Variants in PRKCE observed in about 807,000 individuals in gnomAD.
PRKCE encodes protein kinase C epsilon type.
Under a neutral mutation model 85.4 loss-of-function variants are expected in PRKCE, and 16 were observed. The ratio of observed to expected loss-of-function variants is 0.19; its 90% CI spans 0.13 to 0.28. The LOEUF is 0.28. Among genes scored for constraint, PRKCE ranks in the 10% least tolerant of loss-of-function variants. PRKCE has a pLI of 1.00. For missense variants in PRKCE, 573 were observed against 975.2 expected (o/e 0.59, Z 5.49); for synonymous variants, 388 against 371.5 (o/e 1.04, Z -0.51).
intron 1 of PRKCE, among the ~76,000 whole-genome samples, chr2:45,760,208 A>T (rs962905611): frequency 6.6e-6 from 1 of 152,166 alleles, no homozygotes; most frequent in Non-Finnish European, 1.5e-5. Flanking sequence ...TCTTCTCAGG[A>T]TGGAGGCATC....
intron 1 of PRKCE, among the ~76,000 whole-genome samples, chr2:45,734,650 G>T (rs2104581944): frequency 6.6e-6 from 1 of 152,320 alleles, no homozygotes; most frequent in South Asian, 2.1e-4. Context: ...CTGGGCCTCT[G>T]TTGTGTGTTA....
chr2:46,009,959 C>G (rs1705520068), intron 9 of PRKCE, among the ~76,000 whole-genome samples: 1 of 152,214 alleles, frequency 6.6e-6, no homozygotes, highest in African/African-American at 2.4e-5. Context: ...AATAACCATT[C>G]AACAGATGTG....
rs143342696 is a variant in PRKCE, at chr2:46,063,057, C to T, written c.1438-23151C>T. Among the ~76,000 whole-genome samples the T allele has an allele frequency of 1.4e-3, 215 of 152,318 alleles. 1 individual carries two copies. Among genetic ancestry groups the T allele is most frequent in the Admixed American group, 3.6e-3 (55 of 15,298 alleles). The stretch of plus-strand genomic sequence containing the variant: ...GTGGGCAAGCTGATCATTTTATTCT[C>T]CATCTGCAGTCAACTTGCTAAGTAG... On this transcript the variant is annotated intron_variant, in intron 10 of 14. Coordinates refer to ENST00000306156, the MANE Select transcript of PRKCE (RefSeq NM_005400.3).
chr2:45,770,032 C>A (rs1685191097), intron 1 of PRKCE, among the ~76,000 whole-genome samples: 1 of 152,244 alleles, frequency 6.6e-6, no homozygotes, highest in Admixed American at 6.5e-5. Context: ...AGCCATCACA[C>A]AGGATTTGCA....
intron 2 of PRKCE, among the ~76,000 whole-genome samples, chr2:45,922,108 G>T (rs946377592): frequency 6.6e-6 from 1 of 152,102 alleles, no homozygotes; most frequent in Admixed American, 6.5e-5. Context: ...TGTGAATGTG[G>T]TTCCTAATGA....
At chr2:45,915,428 T>C (rs1250683805) in intron 2 of PRKCE, among the ~76,000 whole-genome samples, 3 of 152,150 alleles carry the variant, frequency 2.0e-5, no homozygotes, top group Non-Finnish European at 2.9e-5. Context: ...ATTAATAGGA[T>C]TGGGAATCAG....
At chr2:45,811,535 G>T (rs910532345) in intron 1 of PRKCE, among the ~76,000 whole-genome samples, 1 of 152,176 alleles carries the variant, frequency 6.6e-6, no homozygotes, top group African/African-American at 2.4e-5. Context: ...CTCACCCTGC[G>T]TTGTAATTTT....
At chr2:45,717,096 C>G (rs1680193178) in intron 1 of PRKCE, among the ~76,000 whole-genome samples, 2 of 152,270 alleles carry the variant, frequency 1.3e-5, no homozygotes, top group Admixed American at 1.3e-4. Flanking sequence ...CATGGTGATG[C>G]CTCTGCTATC....
chr2:46,139,860 G>C lies in PRKCE; in HGVS notation c.1593-5233G>C, dbSNP rs941432955. On this transcript the variant is annotated intron_variant, in intron 11 of 14. Coordinates refer to ENST00000306156, the MANE Select transcript of PRKCE (RefSeq NM_005400.3). This position sits in a 1 kb window ranked among gnomAD's most constrained non-coding sequence, Gnocchi z 5.2. ...GTCACATAACTACACCCTGCTCCAAGGGCAGCTTTTAATTCTAGTTCATGG... is the reference window on the plus strand; with the variant it reads ...GTCACATAACTACACCCTGCTCCAACGGCAGCTTTTAATTCTAGTTCATGG... Among the ~76,000 whole-genome samples, 1 of 152,042 alleles carries C rather than the reference G, an allele frequency of 6.6e-6. No homozygotes were observed. The highest frequency in any genetic ancestry group is 2.4e-5 in the African/African-American group (1 of 41,390).
At chr2:45,743,707 A>G (rs934710796) in intron 1 of PRKCE, among the ~76,000 whole-genome samples, 4 of 152,200 alleles carry the variant, frequency 2.6e-5, no homozygotes, top group Non-Finnish European at 4.4e-5. Context: ...TGCTTCTTTC[A>G]AAACCTTGCC....
chr2:45,739,182 T>C (rs1006400468), intron 1 of PRKCE, among the ~76,000 whole-genome samples: 6 of 152,202 alleles, frequency 3.9e-5, no homozygotes, highest in African/African-American at 1.4e-4. Flanking sequence ...TACGAGAGGG[T>C]ATCTCTCCTG....
At chr2:45,941,864 G>A (rs910851554) in intron 2 of PRKCE, among the ~76,000 whole-genome samples, 10 of 152,170 alleles carry the variant, frequency 6.6e-5, no homozygotes, top group Admixed American at 3.3e-4. Context: ...AATTATGGGG[G>A]AGGGGGAGGT....
intron 1 of PRKCE, among the ~76,000 whole-genome samples, chr2:45,836,789 C>G (rs1690918033): frequency 6.6e-6 from 1 of 152,218 alleles, no homozygotes. Flanking sequence ...TTATCTAGGA[C>G]CTTACTGGTG....
intron 10 of PRKCE, among the ~76,000 whole-genome samples, chr2:46,015,791 G>GAGCCC (rs1706090186): frequency 6.6e-6 from 1 of 151,280 alleles, no homozygotes; most frequent in African/African-American, 2.4e-5. Context: ...CGAGCTGACA[G>GAGCCC]AGCCGTTGAG....
At chr2:45,987,597 C>A (rs1343378421) in intron 6 of PRKCE, among the ~76,000 whole-genome samples, 1 of 151,622 alleles carries the variant, frequency 6.6e-6, no homozygotes, top group Non-Finnish European at 1.5e-5. Context: ...CACATGGCCT[C>A]CCCCCACCAG....
intron 10 of PRKCE, among the ~76,000 whole-genome samples, chr2:46,047,327 C>A (rs1402422062): frequency 1.3e-5 from 2 of 152,172 alleles, no homozygotes; most frequent in East Asian, 3.8e-4. Flanking sequence ...GGACAAGATC[C>A]CGTTAAGGGC....
At chr2:45,914,152 A>T (rs1000014163) in intron 2 of PRKCE, among the ~76,000 whole-genome samples, 1 of 152,262 alleles carries the variant, frequency 6.6e-6, no homozygotes, top group Non-Finnish European at 1.5e-5. Context: ...GTGGAAGCAT[A>T]CAATATCATG....
chr2:45,969,686 A>T (rs1701980138), intron 2 of PRKCE, among the ~76,000 whole-genome samples: 1 of 152,148 alleles, frequency 6.6e-6, no homozygotes, highest in Non-Finnish European at 1.5e-5. Flanking sequence ...ATTACCTAAT[A>T]CTTTTTAGGC....
Position 45,652,189 on chromosome 2 carries a change from G to T in PRKCE, c.89G>T (p.Gly30Val). Residue 30 changes from glycine (G) to valine (V), a missense_variant, in exon 1 of 15, where the codon GGA becomes GTA. Gly to Val is a moderately radical substitution (Grantham distance 109, BLOSUM62 -3). Around this residue, in one of 11 missense-constraint regions of PRKCE, gnomAD observed 100 missense variants for 177.1 expected, o/e 0.56. Transcript: ENST00000306156. The surrounding 1 kb of genome is among the most constrained non-coding windows in gnomAD (Gnocchi z 7.7). ...GCCTGGTCGCTGCGCCATGCGGTGG[G>T]ACCCCGGCCGCAGACTTTCCTTCTC... The part of the protein sequence containing the change: ...PTAWSLRHAV[G>V]PRPQTFLLDP... 1 of 1,613,536 alleles carries T rather than the reference G, an allele frequency of 6.2e-7. No individual in the cohort carries two copies. Among genetic ancestry groups the T allele is most frequent in the Non-Finnish European group, 8.5e-7 (1 of 1,179,922 alleles).
Sources: allele counts gnomAD v4.1 joint callset (sites outside exome capture counted in the v4.1 genomes callset), GRCh38; gene constraint gnomAD v4.1.1; regional missense constraint gnomAD v4.1.1; non-coding constraint Gnocchi (gnomAD v3.1); transcripts MANE v1.5; gene names NCBI Gene and HGNC (gene_info 2026-07-23, HGNC 2026-07-21).